F11: variants seen among roughly 807,000 people sequenced by gnomAD.
The protein encoded by F11 is coagulation factor XI.
F11 carries 78 observed loss-of-function variants against 76.5 expected under a neutral mutation model. The ratio of observed to expected loss-of-function variants is 1.02; its 90% CI spans 0.85 to 1.23. The LOEUF (loss-of-function observed/expected upper bound fraction) is 1.23, where lower values mean the gene tolerates loss of function less well. Ranked by LOEUF, F11 falls within the 50% of genes most tolerant of loss-of-function variation. F11 has a pLI of 0.00. For synonymous variants in F11, 278 were observed against 276.3 expected, an observed-to-expected ratio of 1.01 and a Z score of -0.06; for missense variants, 742 against 771.4, an observed-to-expected ratio of 0.96 and a Z score of 0.45.
At chr4:186,281,652 T>C (rs957309468) in intron 10 of F11, among the ~76,000 whole-genome samples, 1 of 152,240 alleles carries the variant, frequency 6.6e-6, no homozygotes, top group African/African-American at 2.4e-5. Context: ...ATGGCTTTAC[T>C]ATATATTGAT....
chr4:186,273,866 G>A (rs1740166811), intron 4 of F11, among the ~76,000 whole-genome samples: 1 of 152,214 alleles, frequency 6.6e-6, no homozygotes, highest in Non-Finnish European at 1.5e-5. Context: ...AGTGCAGTTA[G>A]GGAGAAGAGA....
At chr4:186,282,780 G>A (rs769460086) in intron 10 of F11, 133 of 985,290 alleles carry the variant, frequency 1.3e-4, no homozygotes, top group Non-Finnish European at 1.6e-4. Flanking sequence ...TCAGGCTTCC[G>A]AAGTCACATC....
chr4:186,270,700 G>C (rs1205602137), intron 2 of F11, among the ~76,000 whole-genome samples: 1 of 152,020 alleles, frequency 6.6e-6, no homozygotes, highest in South Asian at 2.1e-4. Flanking sequence ...GCACATGAGA[G>C]AGAGTGAGAG....
In F11 at chr4:186,288,818, C is replaced by A; in HGVS notation, c.*204C>A. ...CTATGATCGTTGTAGTTTGTTTGAGCATTCAGTCTCTTTGTTTTTGATCAC... is the reference window on the plus strand; with the variant it reads ...CTATGATCGTTGTAGTTTGTTTGAGAATTCAGTCTCTTTGTTTTTGATCAC... On this transcript the variant is annotated 3_prime_UTR_variant, in exon 15 of 15. Coordinates refer to ENST00000403665, the MANE Select transcript of F11 (RefSeq NM_000128.4). 1.7e-6 allele frequency: 1 copy of A among 592,050 alleles called. No homozygotes were observed. The highest frequency in any genetic ancestry group is 3.0e-6 in the Non-Finnish European group (1 of 334,554). The allele number at this position is 592,050 out of a possible 1,614,324, so 36.7% of individuals were successfully genotyped here. A position where few individuals can be genotyped will look rare whatever the true frequency, so the allele number is the denominator to read the frequency against.
At chr4:186,271,823 C>T (rs769637384) in intron 3 of F11, 52 bp downstream of exon 3, 4 of 1,556,760 alleles carry the variant, frequency 2.6e-6, no homozygotes, top group Non-Finnish European at 2.7e-6. Context: ...AGGGAGATTG[C>T]TATTCTTAAC....
intron 7 of F11, among the ~76,000 whole-genome samples, chr4:186,279,513 A>G (rs1416795109): frequency 6.6e-6 from 1 of 152,242 alleles, no homozygotes; most frequent in African/African-American, 2.4e-5. Context: ...GAATATTTCC[A>G]TCACTGCAGA....
In F11 at chr4:186,286,428, C is replaced by T; in HGVS notation, c.1494C>T (p.Pro498=). 1.2e-6 allele frequency: 2 copies of T among 1,613,836 alleles called. No individual in the cohort carries two copies. Among genetic ancestry groups the T allele is most frequent in the Non-Finnish European group, 1.7e-6 (2 of 1,179,800 alleles). ...TTTTAAATTTAGATTCTCAACGACC[C>T]ATATGCCTGCCTTCCAAAGGAGATA... The part of the protein sequence containing the change: ...TTVNYTDSQR[P]ICLPSKGDRN... The change falls in exon 13 of 15, where the codon CCC becomes CCT. Residue 498 remains proline (P), a synonymous_variant. Coordinates refer to ENST00000403665, the MANE Select transcript of F11 (RefSeq NM_000128.4).
At chr4:186,279,354 C>G (rs572639108) in intron 7 of F11, among the ~76,000 whole-genome samples, 20 of 151,958 alleles carry the variant, frequency 1.3e-4, no homozygotes, top group African/African-American at 4.3e-4. Flanking sequence ...TGCACTCCAG[C>G]CTGGGTGACA....
At position 186,283,783 on chromosome 4, in the gene F11, A is replaced by G. The variant is rs4253421; in HGVS notation, c.1136-309A>G. On this transcript the variant is annotated intron_variant, in intron 10 of 14. Transcript: ENST00000403665. ...TTCCCAGGTGACGCTGTTGGTCTGG[A>G]GACTGCACTTGACAACCACTGGTTT... Among the ~76,000 whole-genome samples the G allele has an allele frequency of 0.9, 137,370 of 152,212 alleles. 62,158 individuals are homozygous for G. Among genetic ancestry groups the G allele is most frequent in the African/African-American group, 0.96 (39,902 of 41,538 alleles).
chr4:186,280,166 A>G, intron 8 of F11, 45 bp downstream of exon 8: 1 of 1,612,390 alleles, frequency 6.2e-7, no homozygotes, highest in Non-Finnish European at 8.5e-7. Context: ...ACCAGCCCCG[A>G]GGAGGCTGAT....
intron 2 of F11, 42 bp from the exon 3 acceptor site, chr4:186,271,567 C>T (rs1433319256): frequency 1.9e-6 from 3 of 1,609,812 alleles, no homozygotes; most frequent in East Asian, 2.2e-5. Flanking sequence ...GATGTATGCC[C>T]AGTAAAATCC....
chr4:186,273,147 T>G lies in F11; in HGVS notation c.295T>G (p.Ser99Ala). Residue 99 changes from serine (S) to alanine (A), a missense_variant, in exon 4 of 15, where the codon TCT (serine) becomes GCT (alanine). Ser to Ala is a moderately conservative substitution (Grantham distance 99). Coordinates refer to ENST00000403665, the MANE Select transcript of F11 (RefSeq NM_000128.4). Reference protein sequence around the residue: ...VNRTAAISGYSFKQCSHQISA... With the variant: ...VNRTAAISGYAFKQCSHQISA... ...TAGGACAGCAGCGATTTCTGGGTAT[T>G]CTTTCAAGCAATGCTCACACCAAAT... 3 of 1,613,968 alleles carry G rather than the reference T, an allele frequency of 1.9e-6. No individual in the cohort carries two copies. Among genetic ancestry groups the G allele is most frequent in the Non-Finnish European group, 2.5e-6 (3 of 1,179,864 alleles).
intron 14 of F11, among the ~76,000 whole-genome samples, 159 bp downstream of exon 14, chr4:186,287,982 G>A (rs956011679): frequency 4.0e-5 from 6 of 151,700 alleles, no homozygotes; most frequent in Non-Finnish European, 8.8e-5. Context: ...TCAGCTCACT[G>A]CAAGCTCTGC....
At chr4:186,274,050 G>T (rs773092596) in intron 4 of F11, 66 bp from the exon 5 acceptor site, 141 of 1,580,686 alleles carry the variant, frequency 8.9e-5, no homozygotes, top group Non-Finnish European at 1.2e-4. Flanking sequence ...AGTCAGGAGG[G>T]ACAGTTGCTT....
Position 186,288,513 on chromosome 4 carries a change from A to T in F11, c.1777A>T (p.Thr593Ser). Residue 593 changes from threonine to serine, a missense_variant, in exon 15 of 15, where the codon ACG becomes TCG. Transcript: ENST00000403665. ...TGAGGTCTGGCATCTGGTAGGCATC[A>T]CGAGCTGGGGCGAAGGCTGTGCTCA... The part of the protein sequence containing the change: ...HNEVWHLVGI[T>S]SWGEGCAQRE... 1 of 1,614,168 alleles carries T rather than the reference A, an allele frequency of 6.2e-7. No individual in the cohort carries two copies. The highest frequency in any genetic ancestry group is 1.6e-4 in the Middle Eastern group (1 of 6,062).
intron 2 of F11, among the ~76,000 whole-genome samples, chr4:186,269,756 T>A (rs1303017568): frequency 6.6e-6 from 1 of 152,236 alleles, no homozygotes; most frequent in Non-Finnish European, 1.5e-5. Flanking sequence ...GCACATGGTA[T>A]GCTATCTGTC....
intron 2 of F11, among the ~76,000 whole-genome samples, chr4:186,269,139 A>C (rs1416510404): frequency 1.3e-5 from 2 of 152,238 alleles, no homozygotes; most frequent in African/African-American, 4.8e-5. Context: ...GATTGTTAAA[A>C]AAATTAAAGG....
chr4:186,267,341 G>A (rs143076035), intron 2 of F11, 150 bp downstream of exon 2: 278 of 697,338 alleles, frequency 4.0e-4, no homozygotes, highest in African/African-American at 3.8e-3. Context: ...GGTTTTCAAA[G>A]CAGGGTAGGA....
At chr4:186,287,459 C>T (rs1741287031) in intron 13 of F11, 4 of 171,046 alleles carry the variant, frequency 2.3e-5, no homozygotes, top group Admixed American at 1.9e-4. Context: ...TGGTGTGTGC[C>T]TGTAATCCCA....
Sources: allele counts gnomAD v4.1 joint callset (sites outside exome capture counted in the v4.1 genomes callset), GRCh38; gene constraint gnomAD v4.1.1; transcripts MANE v1.5; gene names NCBI Gene and HGNC (gene_info 2026-07-23, HGNC 2026-07-21).